The following PXT1 variants were observed in gnomAD, a reference collection of about 807,000 sequenced individuals.
PXT1 encodes peroxisomal testis-specific protein 1.
PXT1 carries 11 observed loss-of-function variants against 11.0 expected under a neutral mutation model. The observed-to-expected ratio is 1.00, with a 90% CI of 0.63 to 1.66. PXT1 has a LOEUF of 1.66. Ranked by LOEUF, PXT1 falls within the 40% of genes most tolerant of loss-of-function variation. The probability of loss-of-function intolerance (pLI) is 0.00; values close to 1 mark genes in which losing one functional copy is unlikely to be tolerated. For missense variants in PXT1, 141 were observed against 155.5 expected (o/e 0.91, Z 0.49); for synonymous variants, 43 against 51.4 (o/e 0.84, Z 0.70).
intron 2 of PXT1, among the ~76,000 whole-genome samples, chr6:36,435,714 T>C (rs147491164): frequency 6.6e-6 from 1 of 152,186 alleles, no homozygotes; most frequent in African/African-American, 2.4e-5. Context: ...TGATAAACAG[T>C]AGATCCTAAA....
chr6:36,420,458 T>C (rs1030801212), intron 3 of PXT1, among the ~76,000 whole-genome samples: 5 of 152,078 alleles, frequency 3.3e-5, no homozygotes, highest in East Asian at 1.9e-4. Flanking sequence ...CATCCAAAAA[T>C]AGGAACAAAA....
intron 3 of PXT1, among the ~76,000 whole-genome samples, chr6:36,413,412 A>G (rs1306100010): frequency 3.2e-5 from 4 of 125,412 alleles, no homozygotes; most frequent in African/African-American, 8.0e-5. Flanking sequence ...GCGAGACTCC[A>G]TCTCAAAAAA....
chr6:36,418,626 A>T (rs1758998445), intron 3 of PXT1, among the ~76,000 whole-genome samples: 2 of 152,262 alleles, frequency 1.3e-5, no homozygotes. Context: ...GCAACTAGTG[A>T]GAACCACTTC....
intron 1 of PXT1, among the ~76,000 whole-genome samples, chr6:36,439,954 T>C (rs976677618): frequency 6.6e-6 from 1 of 152,048 alleles, no homozygotes; most frequent in African/African-American, 2.4e-5. Flanking sequence ...AAAAATTAGC[T>C]TGGGGTGGTG....
intron 2 of PXT1, among the ~76,000 whole-genome samples, chr6:36,427,793 A>T (rs548146707): frequency 3.1e-4 from 47 of 152,290 alleles, no homozygotes; most frequent in African/African-American, 1.0e-3. Flanking sequence ...GGTGCTCAGT[A>T]GCCACATGCA....
chr6:36,410,217 G>A (rs1037035644), intron 3 of PXT1, among the ~76,000 whole-genome samples: 6 of 151,924 alleles, frequency 3.9e-5, no homozygotes, highest in Admixed American at 1.3e-4. Context: ...TTGGGAGGCC[G>A]AGGCGGGTGG....
chr6:36,439,716 CAA>C (rs1774828132), intron 1 of PXT1, among the ~76,000 whole-genome samples: 1 of 148,326 alleles, frequency 6.7e-6, no homozygotes, highest in African/African-American at 2.5e-5. Flanking sequence ...TGTTCATAAA[CAA>C]GAGGTCATGT....
chr6:36,422,667 A>G (rs756919864), intron 3 of PXT1, among the ~76,000 whole-genome samples: 1 of 152,212 alleles, frequency 6.6e-6, no homozygotes, highest in East Asian at 1.9e-4. Flanking sequence ...AAGAAAATGT[A>G]TATCTAGAGG....
chr6:36,403,448 T>A (rs1366172555), intron 3 of PXT1, among the ~76,000 whole-genome samples: 1 of 152,182 alleles, frequency 6.6e-6, no homozygotes. Flanking sequence ...AACTCCCACT[T>A]TTCAGGCTTG....
At chr6:36,395,493 A>AT (rs148553371) in intron 4 of PXT1, among the ~76,000 whole-genome samples, 2,717 of 73,328 alleles carry the variant, frequency 0.037, 509 homozygotes, top group African/African-American at 0.067. Context: ...CAAACTTAGG[A>AT]TTTTTTTTTT....
intron 3 of PXT1, among the ~76,000 whole-genome samples, chr6:36,423,154 C>T (rs1281662044): frequency 6.6e-6 from 1 of 152,236 alleles, no homozygotes; most frequent in Non-Finnish European, 1.5e-5. Context: ...ACATTCCTGC[C>T]TTGTGGTTTC....
chr6:36,417,866 T>C (rs966629364), intron 3 of PXT1, among the ~76,000 whole-genome samples: 1 of 152,022 alleles, frequency 6.6e-6, no homozygotes, highest in Non-Finnish European at 1.5e-5. Flanking sequence ...TGGTTCTGAA[T>C]TCTGGCTGCA....
intron 3 of PXT1, among the ~76,000 whole-genome samples, chr6:36,404,883 G>A (rs369011481): frequency 6.6e-6 from 1 of 152,252 alleles, no homozygotes; most frequent in South Asian, 2.1e-4. Context: ...CTTGAAACTG[G>A]GAGGGAGAGG....
chr6:36,410,506 A>G (rs144536031), intron 3 of PXT1, among the ~76,000 whole-genome samples: 32 of 151,888 alleles, frequency 2.1e-4, no homozygotes, highest in Admixed American at 3.9e-4. Flanking sequence ...GAGAGGAAGG[A>G]AGAAAGAGAG....
At chr6:36,395,128 A>C (rs996802508) in intron 4 of PXT1, among the ~76,000 whole-genome samples, 3 of 152,168 alleles carry the variant, frequency 2.0e-5, no homozygotes, top group Admixed American at 2.0e-4. Flanking sequence ...CCCGGCCTAA[A>C]AGATGTTATT....
At chr6:36,437,666 A>G (rs908091776) in intron 2 of PXT1, among the ~76,000 whole-genome samples, 11 of 151,266 alleles carry the variant, frequency 7.3e-5, no homozygotes, top group South Asian at 2.1e-4. Context: ...GGCGCCCGCC[A>G]CCATGCCTGG....
At chr6:36,400,271 T>A (rs1271917340) in intron 4 of PXT1, among the ~76,000 whole-genome samples, 183 bp downstream of exon 4, 2 of 152,230 alleles carry the variant, frequency 1.3e-5, no homozygotes. Flanking sequence ...GAGTAGCAAG[T>A]ATGAGATTAA....
chr6:36,418,468 GC>G (rs1307376914), intron 3 of PXT1, among the ~76,000 whole-genome samples: 1 of 152,168 alleles, frequency 6.6e-6, no homozygotes, highest in East Asian at 1.9e-4. Flanking sequence ...CTTTCTATGT[GC>G]CAGGTGCTGG....
intron 3 of PXT1, among the ~76,000 whole-genome samples, chr6:36,409,652 C>T (rs557333643): frequency 9.2e-5 from 14 of 151,808 alleles, no homozygotes; most frequent in Non-Finnish European, 1.6e-4. Flanking sequence ...ATGACGAAAC[C>T]GCGTCTCTAG....
Sources: gnomAD v4.1 joint callset for allele counts (sites outside exome capture counted in the v4.1 genomes callset) on GRCh38, gnomAD v4.1.1 for gene constraint, MANE v1.5 for transcripts, NCBI Gene and HGNC (gene_info 2026-07-23, HGNC 2026-07-21) for gene names.